Variants in MSN observed in about 807,000 individuals in gnomAD.
MSN encodes the protein moesin, also known as epididymis luminal protein 70.
Under a neutral mutation model 48.0 loss-of-function variants are expected in MSN, and 2 were observed. That is an observed-to-expected ratio of 0.04 (90% confidence interval 0.02 to 0.13). The LOEUF (loss-of-function observed/expected upper bound fraction) is 0.13, where lower values mean the gene tolerates loss of function less well. Among genes scored for constraint, MSN ranks in the 10% least tolerant of loss-of-function variants. The probability of loss-of-function intolerance (pLI) is 1.00; values close to 1 mark genes in which losing one functional copy is unlikely to be tolerated. For synonymous variants in MSN, 146 were observed against 166.9 expected (o/e 0.87, Z 0.97); for missense variants, 267 against 470.1 (o/e 0.57, Z 3.99).
chrX:65,711,045 C>T (rs1158881184), intron 1 of MSN, among the ~76,000 whole-genome samples: 297 of 83,362 alleles, frequency 3.6e-3, no homozygotes, highest in Middle Eastern at 0.017. Flanking sequence ...CCACCATGCC[C>T]GGCTAATTTT....
At chrX:65,676,365 T>C (rs999971995) in intron 1 of MSN, among the ~76,000 whole-genome samples, 1 of 112,259 alleles carries the variant, frequency 8.9e-6, no homozygotes, top group African/African-American at 3.2e-5. Flanking sequence ...AGGCCACTAA[T>C]ATGGCAAATG....
At chrX:65,731,772 G>A (rs1272140962) in intron 5 of MSN, 66 bp from the exon 6 acceptor site, 3 of 1,135,500 alleles carry the variant, frequency 2.6e-6, no homozygotes, top group South Asian at 2.1e-5. Context: ...GAGTAAGCAG[G>A]CTTTCTATCT....
At chrX:65,691,526 T>A (rs1000337104) in intron 1 of MSN, among the ~76,000 whole-genome samples, 1 of 111,573 alleles carries the variant, frequency 9.0e-6, no homozygotes, top group Admixed American at 9.5e-5. Flanking sequence ...TTTTTTGAGA[T>A]GGAGTTTTGC....
At chrX:65,628,704 T>G (rs113506868) in intron 1 of MSN, among the ~76,000 whole-genome samples, 6 of 107,623 alleles carry the variant, frequency 5.6e-5, no homozygotes, top group East Asian at 5.8e-4. Flanking sequence ...AAAAAAAATG[T>G]TTTTTTTTTC....
chrX:65,728,331 T>A (rs2071588285), intron 3 of MSN, among the ~76,000 whole-genome samples: 2 of 111,376 alleles, frequency 1.8e-5, no homozygotes, highest in South Asian at 7.6e-4. Context: ...TCTCGCACTC[T>A]CGCCCAGGCT....
At chrX:65,622,571 C>T (rs2070460858) in intron 1 of MSN, among the ~76,000 whole-genome samples, 1 of 93,696 alleles carries the variant, frequency 1.1e-5, no homozygotes, top group South Asian at 5.5e-4. Flanking sequence ...TGCTGGAGTG[C>T]AGTGGCATGA....
At chrX:65,713,774 C>T (rs2071435834) in intron 1 of MSN, among the ~76,000 whole-genome samples, 1 of 111,338 alleles carries the variant, frequency 9.0e-6, no homozygotes, top group Non-Finnish European at 1.9e-5. Context: ...TGATCATCTC[C>T]CTCCTCCCAC....
At chrX:65,666,329 T>C (rs192178080), upstream of MSN, among the ~76,000 whole-genome samples, 11 of 108,633 alleles carry the variant, frequency 1.0e-4, no homozygotes, top group African/African-American at 2.0e-4. Flanking sequence ...CACTTACTAT[T>C]ATTATTATTA....
upstream of MSN, among the ~76,000 whole-genome samples, chrX:65,666,660 T>A (rs377093089): frequency 1.1e-4 from 12 of 110,145 alleles, no homozygotes; most frequent in African/African-American, 4.0e-4. Context: ...GGGGTCTTGA[T>A]ATGCTCCCCA....
At chrX:65,644,052 C>T (rs1334681260) in intron 1 of MSN, among the ~76,000 whole-genome samples, 1 of 111,935 alleles carries the variant, frequency 8.9e-6, no homozygotes, top group African/African-American at 3.2e-5. Context: ...ATGGGGCCAG[C>T]TTTTAAATCC....
chrX:65,611,427 G>A (rs994744529), intron 1 of MSN, among the ~76,000 whole-genome samples: 6 of 111,013 alleles, frequency 5.4e-5, no homozygotes, highest in East Asian at 2.8e-4. Flanking sequence ...CCCAAAGTGC[G>A]GGGATTACAG....
chrX:65,594,935 A>G (rs1299515619), intron 1 of MSN, among the ~76,000 whole-genome samples: 1 of 111,049 alleles, frequency 9.0e-6, no homozygotes, highest in African/African-American at 3.3e-5. Flanking sequence ...CTGTAACATA[A>G]CCCTATATCT....
At chrX:65,708,193 AC>A (rs1160364958) in intron 1 of MSN, among the ~76,000 whole-genome samples, 1 of 111,127 alleles carries the variant, frequency 9.0e-6, no homozygotes, top group Non-Finnish European at 1.9e-5. Flanking sequence ...ATAAATGCAT[AC>A]ATAAATTGTA....
chrX:65,732,321 T>A (rs866071709), intron 6 of MSN, among the ~76,000 whole-genome samples: 1 of 112,584 alleles, frequency 8.9e-6, no homozygotes, highest in Non-Finnish European at 1.9e-5. Flanking sequence ...CTTAATATTT[T>A]AAAAAATATT....
intron 1 of MSN, among the ~76,000 whole-genome samples, chrX:65,618,629 A>G (rs1421941553): frequency 3.6e-5 from 4 of 111,234 alleles, no homozygotes; most frequent in Non-Finnish European, 5.7e-5. Flanking sequence ...TTTCCTGAAT[A>G]CAGCACACTG....
rs772218546 is a variant in MSN, at chrX:65,740,206, A to C, written c.*313A>C. 1.8e-4 allele frequency: 43 copies of C among 241,826 alleles called. No homozygotes were observed. The highest frequency in any genetic ancestry group is 1.0e-3 in the Admixed American group (16 of 15,909). The allele number at this position is 241,826 out of a possible 1,213,427, so 19.9% of individuals were successfully genotyped here. On this transcript the variant is annotated 3_prime_UTR_variant, in exon 13 of 13. Transcript: ENST00000360270. ...CACTTGATTTTGCAAATGCCCTTAC[A>C]CTTACTGTTGTCCTATGGGAGTCAA...
rs1043742857 is a variant in MSN, at chrX:65,611,604, C to A, written c.-22+22992C>A. Reference sequence around the variant, plus strand: ...TGTCTATACAACATTTAGTATATTTCATTCATCCTTTGATGGACACTTGGG... The same window carrying A: ...TGTCTATACAACATTTAGTATATTTAATTCATCCTTTGATGGACACTTGGG... On this transcript the variant is annotated intron_variant, in intron 1 of 3. Transcript: ENST00000609672. Among the ~76,000 whole-genome samples the A allele has an allele frequency of 2.7e-5, 3 of 111,859 alleles. No homozygotes were observed. The Admixed American group carries it at 2.9e-4, about 11-fold the overall frequency.
Position 65,692,453 on chromosome X carries a change from T to C in MSN, c.13-24365T>C, listed in dbSNP as rs1318668967. ...CAATTGGTATGTGGGCCAGTTATCT[T>C]TGGCTAACTTTCAGATAAAACCTTT... On this transcript the variant is annotated intron_variant, in intron 1 of 12. Coordinates refer to ENST00000360270, the MANE Select transcript of MSN (RefSeq NM_002444.3). Among the ~76,000 whole-genome samples the C allele has an allele frequency of 2.7e-5, 3 of 112,477 alleles. No homozygotes were observed. The East Asian group carries it at 8.3e-4, about 31-fold the overall frequency.
chrX:65,667,603 G>C, upstream of MSN: 1 of 933,253 alleles, frequency 1.1e-6, no homozygotes, highest in Non-Finnish European at 1.3e-6. Flanking sequence ...CGAGGGCGGG[G>C]AGCGGCGCGG....
Sources: allele counts gnomAD v4.1 joint callset (sites outside exome capture counted in the v4.1 genomes callset), GRCh38; gene constraint gnomAD v4.1.1; transcripts MANE v1.5; gene names NCBI Gene and HGNC (gene_info 2026-07-23, HGNC 2026-07-21).